Variants in GLP1R observed in about 807,000 individuals in gnomAD.
The protein encoded by GLP1R is glucagon like peptide 1 receptor, also known as glucagon-like peptide 1 receptor.
In GLP1R, 32 loss-of-function variants were observed where a neutral mutation model predicts 68.4. The ratio of observed to expected loss-of-function variants is 0.47; its 90% CI spans 0.35 to 0.63. GLP1R has a LOEUF of 0.63. Among genes scored for constraint, GLP1R ranks in the 20% least tolerant of loss-of-function variants. The pLI is 0.00. For synonymous variants in GLP1R, 263 were observed against 244.4 expected, an observed-to-expected ratio of 1.08 and a Z score of -0.71; for missense variants, 502 against 594.9, an observed-to-expected ratio of 0.84 and a Z score of 1.62.
In GLP1R at chr6:39,057,472, A is replaced by G; in HGVS notation, c.176A>G (p.Asp59Gly). Residue 59 changes from aspartate (D) to glycine (G), a missense_variant and splice_region_variant, in exon 3 of 13, where the codon GAC (aspartate) becomes GGC (glycine). Transcript: ENST00000373256. ...CAGAGACTGTTCTTTCTGCTCCCAG[A>G]CTTGTTCTGCAACCGGACCTTCGAT... ...SLTEDPPPAT[D>G]LFCNRTFDEY... 2 of 1,604,642 alleles carry G rather than the reference A, an allele frequency of 1.2e-6. No individual in the cohort carries two copies. The highest frequency in any genetic ancestry group is 1.7e-6 in the Non-Finnish European group (2 of 1,171,546).
rs200053296 is a variant in GLP1R at position 39,079,097 on chromosome 6, G to A, written c.955-15G>A. The A allele has an allele frequency of 1.5e-4, 234 of 1,613,064 alleles. No individual in the cohort carries two copies. In the East Asian group the frequency reaches 3.1e-3, roughly 22 times the overall value. On this transcript the variant is annotated splice_polypyrimidine_tract_variant and intron_variant, in intron 9 of 12. Coordinates refer to ENST00000373256, the MANE Select transcript of GLP1R (RefSeq NM_002062.5). The surrounding 1 kb of genome is among the most constrained non-coding windows in gnomAD (Gnocchi z 4.5). Reference sequence around the variant, plus strand: ...GGGCTGGTGCCCCCTGCCAATCCCCGGCCCCACCCCGCAGGTGAACTTCCT... The same window carrying A: ...GGGCTGGTGCCCCCTGCCAATCCCCAGCCCCACCCCGCAGGTGAACTTCCT...
chr6:39,059,524 G>T (rs1490439757), intron 3 of GLP1R, among the ~76,000 whole-genome samples: 1 of 152,144 alleles, frequency 6.6e-6, no homozygotes, highest in Non-Finnish European at 1.5e-5. Context: ...CTGCAATCTG[G>T]TGGTTCTGCT....
At chr6:39,068,375 C>A (rs1010698137) in intron 5 of GLP1R, among the ~76,000 whole-genome samples, 3 of 151,888 alleles carry the variant, frequency 2.0e-5, no homozygotes, top group Non-Finnish European at 4.4e-5. Context: ...GTGGCTCTAC[C>A]AGTCTGGGGT....
chr6:39,081,189 A>G (rs1335752315), intron 12 of GLP1R, among the ~76,000 whole-genome samples: 2 of 152,240 alleles, frequency 1.3e-5, no homozygotes, highest in South Asian at 4.1e-4. Flanking sequence ...TTTTTTATAT[A>G]TACATGAAAA....
intron 2 of GLP1R, 126 bp downstream of exon 2, chr6:39,056,619 C>T: frequency 1.7e-6 from 1 of 575,802 alleles, no homozygotes; most frequent in Non-Finnish European, 3.2e-6. Flanking sequence ...CTGCCCTCTG[C>T]CTTCATCTCA....
chr6:39,073,199 G>T (rs1768722331), intron 6 of GLP1R, among the ~76,000 whole-genome samples, 184 bp downstream of exon 6: 1 of 152,198 alleles, frequency 6.6e-6, no homozygotes, highest in South Asian at 2.1e-4. Flanking sequence ...GAGAGAGGCA[G>T]TCTACCTTAG....
At chr6:39,061,717 C>T (rs1768362638) in intron 3 of GLP1R, among the ~76,000 whole-genome samples, 1 of 152,206 alleles carries the variant, frequency 6.6e-6, no homozygotes, top group Admixed American at 6.5e-5. Context: ...GCTTTATCTT[C>T]TGGGAAGTCA....
At chr6:39,076,401 G>A (rs1768827762) in intron 7 of GLP1R, among the ~76,000 whole-genome samples, 3 of 152,200 alleles carry the variant, frequency 2.0e-5, no homozygotes, top group African/African-American at 7.2e-5. Flanking sequence ...TAGATGCTGA[G>A]AGGTCCGATT....
intron 12 of GLP1R, among the ~76,000 whole-genome samples, chr6:39,081,126 C>A (rs144964961): frequency 7.0e-6 from 1 of 143,156 alleles, no homozygotes; most frequent in East Asian, 1.9e-4. Context: ...TTAATTATGA[C>A]CCCCACATCC....
At chr6:39,058,671 C>CATCAT (rs1554169079) in intron 3 of GLP1R, among the ~76,000 whole-genome samples, 1 of 50,880 alleles carries the variant, frequency 2.0e-5, no homozygotes, top group East Asian at 8.7e-4. Flanking sequence ...ATCATCATCA[C>CATCAT]CATCACCATC....
At chr6:39,062,129 G>A (rs932324292) in intron 3 of GLP1R, among the ~76,000 whole-genome samples, 1 of 152,340 alleles carries the variant, frequency 6.6e-6, no homozygotes, top group African/African-American at 2.4e-5. Context: ...CTGTTAGCTT[G>A]ATTACAGGCG....
chr6:39,059,603 G>A (rs1404757995), intron 3 of GLP1R, among the ~76,000 whole-genome samples: 2 of 152,188 alleles, frequency 1.3e-5, no homozygotes, highest in African/African-American at 2.4e-5. Flanking sequence ...CTGGGAGATG[G>A]TATAGAGCCA....
intron 5 of GLP1R, among the ~76,000 whole-genome samples, chr6:39,071,303 G>C (rs1474027923): frequency 7.5e-6 from 1 of 132,758 alleles, no homozygotes; most frequent in African/African-American, 2.9e-5. Context: ...CCGAGATCAC[G>C]TCACTGCACT....
At position 39,079,218 on chromosome 6, in the gene GLP1R, G is replaced by A. The variant is rs1295959050; in HGVS notation, c.1043+18G>A. 4 of 1,555,730 alleles carry A rather than the reference G, an allele frequency of 2.6e-6. No individual in the cohort carries two copies. The highest frequency in any genetic ancestry group is 2.7e-6 in the Non-Finnish European group (3 of 1,126,702). On this transcript the variant is annotated intron_variant, in intron 10 of 12. Transcript: ENST00000373256. This position sits in a 1 kb window ranked among gnomAD's most constrained non-coding sequence, Gnocchi z 4.5. ...AAATGCAGGTGATGTAACTGAGCTG[G>A]CTTTACTGAGGACCCTCAGCAAGTG...
chr6:39,078,667 T>C (rs140504808), intron 8 of GLP1R, among the ~76,000 whole-genome samples: 1 of 152,342 alleles, frequency 6.6e-6, no homozygotes, highest in East Asian at 1.9e-4. Flanking sequence ...TGTCATTTTG[T>C]ATATGATGCT....
intron 1 of GLP1R, among the ~76,000 whole-genome samples, chr6:39,054,115 A>G (rs1449108614): frequency 2.0e-5 from 3 of 151,804 alleles, no homozygotes; most frequent in Admixed American, 2.0e-4. Context: ...CCCTGCCCCA[A>G]CCACTCCCTG....
At position 39,071,398 on chromosome 6, in the gene GLP1R, T is replaced by C. The variant is rs997215604; in HGVS notation, c.510-1464T>C. ...AAAGAAAGAAAAAGAAATCTTTCCT[T>C]ACCCTAGTGTCATAAAGATGGCCGT... On this transcript the variant is annotated intron_variant, in intron 5 of 12. Transcript: ENST00000373256. 2.0e-5 allele frequency among the ~76,000 whole-genome samples: 3 copies of C among 151,634 alleles called. No homozygotes were observed. In the South Asian group the frequency reaches 6.2e-4, roughly 32 times the overall value.
rs771324929 is a variant in GLP1R at position 39,072,879 on chromosome 6, G to A, written c.527G>A (p.Arg176Lys). 39 of 1,613,964 alleles carry A rather than the reference G, an allele frequency of 2.4e-5. No homozygotes were observed. The highest frequency in any genetic ancestry group is 8.3e-5 in the Admixed American group (5 of 59,994). The change falls in exon 6 of 13, where the codon AGG becomes AAG. Residue 176 changes from arginine to lysine, a missense_variant. Physicochemically the swap from Arg to Lys is conservative, Grantham distance 26. Coordinates refer to ENST00000373256, the MANE Select transcript of GLP1R (RefSeq NM_002062.5). Reference sequence around the variant, plus strand: ...TCCCTCAGACACCTGCACTGCACCAGGAACTACATCCACCTGAACCTGTTT... The same window carrying A: ...TCCCTCAGACACCTGCACTGCACCAAGAACTACATCCACCTGAACCTGTTT... ...LLGFRHLHCTRNYIHLNLFAS... is the reference protein window; with the variant it reads ...LLGFRHLHCTKNYIHLNLFAS...
chr6:39,089,148 A>G lies in GLP1R; in HGVS notation c.*3075A>G, dbSNP rs10305532. On this transcript the variant is annotated 3_prime_UTR_variant, in exon 13 of 13. Transcript: ENST00000373256. This position sits in a 1 kb window ranked among gnomAD's most constrained non-coding sequence, Gnocchi z 4.1. Reference sequence around the variant, plus strand: ...GAGGAGGGGAAGGATGTGCTTTCCTATTTTTACACTGGTACTTCATTCATC... The same window carrying G: ...GAGGAGGGGAAGGATGTGCTTTCCTGTTTTTACACTGGTACTTCATTCATC... Among the ~76,000 whole-genome samples the G allele has an allele frequency of 0.087, 13,314 of 152,220 alleles. 667 individuals carry two copies. Among genetic ancestry groups the G allele is most frequent in the South Asian group, 0.16 (769 of 4,826 alleles).
Sources: gnomAD v4.1 joint callset for allele counts (sites outside exome capture counted in the v4.1 genomes callset) on GRCh38, gnomAD v4.1.1 for gene constraint, Gnocchi (gnomAD v3.1) non-coding constraint, MANE v1.5 for transcripts, NCBI Gene and HGNC (gene_info 2026-07-23, HGNC 2026-07-21) for gene names.